The following DNAH1 variants were observed in gnomAD, a reference collection of about 807,000 sequenced individuals.
DNAH1 encodes axonemal beta dynein heavy chain 1.
DNAH1 carries 327 observed loss-of-function variants against 484.3 expected under a neutral mutation model. The observed-to-expected ratio is 0.68, with a 90% confidence interval of 0.62 to 0.74. DNAH1 has a LOEUF of 0.74. DNAH1 is among the 30% of genes least tolerant of loss of function. DNAH1 has a pLI of 0.00. For missense variants in DNAH1, 5,052 were observed against 5,546.8 expected, an observed-to-expected ratio of 0.91 and a Z score of 2.83; for synonymous variants, 2,192 against 2,191.9, an observed-to-expected ratio of 1.00 and a Z score of 0.00.
intron 73 of DNAH1, 62 bp downstream of exon 73, chr3:52,397,106 T>A (rs1704671350): frequency 6.8e-7 from 1 of 1,462,706 alleles, no homozygotes; most frequent in East Asian, 2.5e-5. Context: ...TGGGGTACCA[T>A]GAGCACCTTG....
intron 63 of DNAH1, 79 bp downstream of exon 63, chr3:52,391,682 C>G: frequency 6.5e-7 from 1 of 1,548,454 alleles, no homozygotes; most frequent in South Asian, 1.1e-5. Flanking sequence ...ACCCCCAGGC[C>G]GGGAGTCAGT....
At chr3:52,365,082 AG>A (rs1481777662) in intron 34 of DNAH1, 63 bp downstream of exon 34, 89 of 1,554,374 alleles carry the variant, frequency 5.7e-5, no homozygotes, top group Non-Finnish European at 7.5e-5. Flanking sequence ...AGTCCAGGTC[AG>A]GGGGACAGAG....
intron 5 of DNAH1, among the ~76,000 whole-genome samples, chr3:52,327,292 C>T (rs1701381096): frequency 6.6e-6 from 1 of 152,092 alleles, no homozygotes; most frequent in African/African-American, 2.4e-5. Context: ...AGTGCCACCC[C>T]CGTGGGGTAT....
intron 6 of DNAH1, among the ~76,000 whole-genome samples, chr3:52,329,780 G>A (rs1012984401): frequency 3.3e-5 from 5 of 151,108 alleles, no homozygotes; most frequent in African/African-American, 4.9e-5. Flanking sequence ...AGTGGAGCTC[G>A]CGCCATTGCA....
In DNAH1 at chr3:52,380,093, C is replaced by G. The variant is rs1703777461; in HGVS notation, c.7566C>G (p.Gly2522=). 1.2e-6 allele frequency: 2 copies of G among 1,605,034 alleles called. No individual in the cohort carries two copies. The highest frequency in any genetic ancestry group is 1.7e-6 in the Non-Finnish European group (2 of 1,175,804). Residue 2522 remains glycine (G), a synonymous_variant, in exon 48 of 78, where the codon GGC becomes GGG. Transcript: ENST00000420323. ...TTTACGGGGACTTCATGTCACCAGG[C>G]TCCGATGTCAAGTCCTACGAGCTCA... ...PILYGDFMSP[G]SDVKSYELIT...
chr3:52,346,423 G>A, intron 10 of DNAH1, 49 bp from the exon 11 acceptor site: 1 of 1,544,900 alleles, frequency 6.5e-7, no homozygotes, highest in East Asian at 2.4e-5. Context: ...GCAGCTATAG[G>A]TCGTGGGTCC....
chr3:52,357,343 C>G (rs1042019018), intron 22 of DNAH1, among the ~76,000 whole-genome samples: 1 of 152,178 alleles, frequency 6.6e-6, no homozygotes, highest in African/African-American at 2.4e-5. Context: ...CGTGAGCCAC[C>G]ATGCCCGGCC....
In DNAH1 at chr3:52,375,487, G is replaced by T. The variant is rs761486004; in HGVS notation, c.7159+74G>T. 1.4e-4 allele frequency: 211 copies of T among 1,528,918 alleles called. 1 individual carries two copies. Among genetic ancestry groups the T allele is most frequent in the Non-Finnish European group, 1.7e-4 (194 of 1,133,828 alleles). The allele number at this position is 1,528,918 out of a possible 1,614,324, so 94.7% of individuals were successfully genotyped here. A position where few individuals can be genotyped will look rare whatever the true frequency, so the allele number is the denominator to read the frequency against. On this transcript the variant is annotated intron_variant, in intron 45 of 77. Transcript: ENST00000420323. The stretch of plus-strand genomic sequence containing the variant: ...GGGAGGCCACACCAAGGACAACTGG[G>T]TGGCCACCAGAAAGGGTGGAGTGGC...
chr3:52,367,135 A>G (rs1703118058), intron 36 of DNAH1, among the ~76,000 whole-genome samples: 1 of 152,154 alleles, frequency 6.6e-6, no homozygotes, highest in South Asian at 2.1e-4. Context: ...ATGACTTAAC[A>G]CGCTCAGTGC....
At chr3:52,328,127 A>G (rs1701418975) in intron 6 of DNAH1, 113 bp downstream of exon 6, 1 of 1,383,218 alleles carries the variant, frequency 7.2e-7, no homozygotes, top group Admixed American at 2.1e-5. Flanking sequence ...GGGTCTTTCA[A>G]GACCTCTCAG....
intron 18 of DNAH1, among the ~76,000 whole-genome samples, 181 bp downstream of exon 18, chr3:52,352,888 C>T (rs924032103): frequency 9.2e-5 from 14 of 152,164 alleles, no homozygotes; most frequent in African/African-American, 2.9e-4. Flanking sequence ...GGCAGGTGGC[C>T]TGAGGGTCAG....
In DNAH1 at chr3:52,370,655, A is replaced by G; in HGVS notation, c.6417+20A>G. The G allele has an allele frequency of 4.4e-6, 7 of 1,603,962 alleles. No individual in the cohort carries two copies. The highest frequency in any genetic ancestry group is 5.1e-6 in the Non-Finnish European group (6 of 1,175,306). On this transcript the variant is annotated intron_variant, in intron 40 of 77. Transcript: ENST00000420323. ...GAACAGGTGAGAGCCGGCGGCCCCCAGGGACCAGGAGCCTCAGTCCTACTG... is the reference window on the plus strand; with the variant it reads ...GAACAGGTGAGAGCCGGCGGCCCCCGGGGACCAGGAGCCTCAGTCCTACTG...
upstream of DNAH1, among the ~76,000 whole-genome samples, chr3:52,311,459 T>C (rs1371226367): frequency 6.6e-6 from 1 of 152,084 alleles, no homozygotes; most frequent in Non-Finnish European, 1.5e-5. Flanking sequence ...GGCCCAGAGA[T>C]GAGACAGTTT....
At chr3:52,326,677 A>G in intron 4 of DNAH1, 58 bp from the exon 5 acceptor site, 3 of 1,541,130 alleles carry the variant, frequency 1.9e-6, no homozygotes, top group South Asian at 1.3e-5. Flanking sequence ...GTGGACACCC[A>G]TGGAGCCACC....
chr3:52,348,681 G>A (rs1011525959), intron 12 of DNAH1, among the ~76,000 whole-genome samples: 6 of 152,344 alleles, frequency 3.9e-5, no homozygotes, highest in South Asian at 2.1e-4. Flanking sequence ...TCACAGGGGC[G>A]TCTGGCCTTG....
At position 52,386,247 on chromosome 3, in the gene DNAH1, A is replaced by T; in HGVS notation, c.8713A>T (p.Ile2905Phe). The T allele has an allele frequency of 1.9e-6, 3 of 1,613,174 alleles. No individual in the cohort carries two copies. Among genetic ancestry groups the T allele is most frequent in the Non-Finnish European group, 2.5e-6 (3 of 1,179,584 alleles). ...TGAGAAGGCCAAGAAGGCACAAGCT[A>T]TTGCTGACGATGCCCAGAAGGACCT... is the stretch of plus-strand genomic sequence containing the variant. ...ANEKAKKAQA[I>F]ADDAQKDLDE... is the part of the protein sequence containing the mutation. The change falls in exon 55 of 78, where the codon ATT becomes TTT. Residue 2905 changes from isoleucine to phenylalanine, a missense_variant. Physicochemically the swap from Ile to Phe is conservative, Grantham distance 21. This residue lies in a region of DNAH1 where 2,929 missense variants were observed against 3,409.4 expected (regional missense o/e 0.86). Transcript: ENST00000420323.
At chr3:52,349,116 CTGTGTGTT>C in intron 13 of DNAH1, 35 bp downstream of exon 13, 1 of 1,612,650 alleles carries the variant, frequency 6.2e-7, no homozygotes, top group Admixed American at 1.7e-5. Flanking sequence ...CGGAGGGTGT[CTGTGTGTT>C]TGTGCATGTG....
chr3:52,399,183 C>T lies in DNAH1; in HGVS notation c.12423C>T (p.Thr4141=). Residue 4141 remains threonine (T), a synonymous_variant, in exon 76 of 78, where the codon ACC becomes ACT. Coordinates refer to ENST00000420323, the MANE Select transcript of DNAH1 (RefSeq NM_015512.5). ...GCAAATTTGTCATCTCCATTGACAC[C>T]ATCTCCTTTGATTTCAAGGTCTGGG... ...FARKFVISID[T]ISFDFKVMFE... The T allele has an allele frequency of 6.2e-7, 1 of 1,609,944 alleles. No individual in the cohort carries two copies. The highest frequency in any genetic ancestry group is 8.5e-7 in the Non-Finnish European group (1 of 1,177,322).
chr3:52,383,538 C>G lies in DNAH1; in HGVS notation c.8094C>G (p.Leu2698=). The G allele has an allele frequency of 6.2e-7, 1 of 1,612,614 alleles. No homozygotes were observed. Among genetic ancestry groups the G allele is most frequent in the Non-Finnish European group, 8.5e-7 (1 of 1,179,310 alleles). ...GCCTACAGCCCACCAAGGCCAACCT[C>G]ATGGCTGCTTACACAGGGCGTGTGC... ...EQGLQPTKAN[L]MAAYTGRVRS... is the part of the protein sequence containing the mutation. The change falls in exon 51 of 78, where the codon CTC becomes CTG. Residue 2698 remains leucine, a synonymous_variant. Coordinates refer to ENST00000420323, the MANE Select transcript of DNAH1 (RefSeq NM_015512.5).
Sources: allele counts gnomAD v4.1 joint callset (sites outside exome capture counted in the v4.1 genomes callset), GRCh38; gene constraint gnomAD v4.1.1; regional missense constraint gnomAD v4.1.1; transcripts MANE v1.5; gene names NCBI Gene and HGNC (gene_info 2026-07-23, HGNC 2026-07-21).